Variants in VAT1L observed in about 807,000 individuals in gnomAD.
The protein encoded by VAT1L is vesicle amine transport 1 like.
In VAT1L, 34 loss-of-function variants were observed where a neutral mutation model predicts 44.1. That is an observed-to-expected ratio of 0.77 (90% CI 0.59 to 1.03). The LOEUF is 1.03. Ranked by LOEUF, VAT1L falls within the 50% of genes least tolerant of loss-of-function variation. The probability of loss-of-function intolerance (pLI) is 0.00; values close to 1 mark genes in which losing one functional copy is unlikely to be tolerated. For missense variants in VAT1L, 615 were observed against 538.8 expected, an observed-to-expected ratio of 1.14 and a Z score of -1.40; for synonymous variants, 253 against 202.2, an observed-to-expected ratio of 1.25 and a Z score of -2.13.
intron 7 of VAT1L, among the ~76,000 whole-genome samples, chr16:77,914,266 T>C (rs918186674): frequency 6.6e-6 from 1 of 152,250 alleles, no homozygotes; most frequent in African/African-American, 2.4e-5. Context: ...TAATCATTTA[T>C]AACTTACAAC....
At chr16:77,934,050 G>A (rs2017763901) in intron 7 of VAT1L, among the ~76,000 whole-genome samples, 1 of 152,008 alleles carries the variant, frequency 6.6e-6, no homozygotes, top group Non-Finnish European at 1.5e-5. Context: ...AGAGGGAGGA[G>A]TAAGAATAGA....
At chr16:77,829,196 A>G (rs903817977) in intron 3 of VAT1L, among the ~76,000 whole-genome samples, 7 of 152,172 alleles carry the variant, frequency 4.6e-5, no homozygotes, top group African/African-American at 1.7e-4. Context: ...TATTTGTTCA[A>G]CCTCTACCCA....
intron 7 of VAT1L, among the ~76,000 whole-genome samples, chr16:77,952,170 A>G (rs1259397220): frequency 6.6e-6 from 1 of 152,346 alleles, no homozygotes; most frequent in South Asian, 2.1e-4. Flanking sequence ...TGGGTTGTAG[A>G]AGATTTATGT....
At chr16:77,846,850 A>G (rs905575557) in intron 3 of VAT1L, among the ~76,000 whole-genome samples, 5 of 151,302 alleles carry the variant, frequency 3.3e-5, no homozygotes, top group African/African-American at 1.2e-4. Context: ...ATAGTGGTGT[A>G]TTCAGTGTGA....
At chr16:77,964,637 T>C (rs927891550) in intron 7 of VAT1L, among the ~76,000 whole-genome samples, 1 of 152,174 alleles carries the variant, frequency 6.6e-6, no homozygotes, top group East Asian at 1.9e-4. Flanking sequence ...CCTCAGGTTC[T>C]GGAGATTAGG....
At chr16:77,941,621 T>A (rs1301282426) in intron 7 of VAT1L, among the ~76,000 whole-genome samples, 2 of 152,138 alleles carry the variant, frequency 1.3e-5, no homozygotes, top group Admixed American at 6.6e-5. Flanking sequence ...GTCTTGCTCT[T>A]GTCACCCAGG....
intron 5 of VAT1L, 35 bp downstream of exon 5, chr16:77,876,508 A>T (rs760932400): frequency 7.6e-6 from 12 of 1,582,886 alleles, no homozygotes; most frequent in Non-Finnish European, 9.6e-6. Context: ...CGTGGTCAGC[A>T]ATAGGTACCT....
chr16:77,944,082 G>A (rs777552902), intron 7 of VAT1L, among the ~76,000 whole-genome samples: 5 of 152,030 alleles, frequency 3.3e-5, no homozygotes, highest in South Asian at 2.1e-4. Flanking sequence ...GGCAATGTCC[G>A]GAGACATTTT....
At chr16:77,954,433 T>C (rs1195781556) in intron 7 of VAT1L, among the ~76,000 whole-genome samples, 1 of 152,178 alleles carries the variant, frequency 6.6e-6, no homozygotes, top group Non-Finnish European at 1.5e-5. Context: ...GAGACCAGCC[T>C]GACCAACATG....
chr16:77,917,759 A>C (rs2017566505), intron 7 of VAT1L, among the ~76,000 whole-genome samples: 1 of 152,146 alleles, frequency 6.6e-6, no homozygotes, highest in Admixed American at 6.5e-5. Flanking sequence ...AAGAGAGATT[A>C]TTACCAAAGT....
intron 7 of VAT1L, among the ~76,000 whole-genome samples, chr16:77,965,660 T>C (rs371134204): frequency 5.9e-5 from 9 of 152,144 alleles, no homozygotes; most frequent in African/African-American, 1.7e-4. Context: ...GGGACCATGG[T>C]CCTGATTATG....
At chr16:77,954,898 C>T (rs1332026866) in intron 7 of VAT1L, among the ~76,000 whole-genome samples, 4 of 152,208 alleles carry the variant, frequency 2.6e-5, no homozygotes, top group South Asian at 2.1e-4. Context: ...GCAACATATG[C>T]GATTTTTTAC....
intron 7 of VAT1L, among the ~76,000 whole-genome samples, chr16:77,925,536 T>C (rs577960157): frequency 8.4e-4 from 128 of 152,302 alleles, no homozygotes; most frequent in Non-Finnish European, 9.9e-4. Flanking sequence ...AGAGTCAATA[T>C]AAGAACAAAA....
chr16:77,973,620 G>T (rs2018303875), intron 8 of VAT1L, among the ~76,000 whole-genome samples: 1 of 149,544 alleles, frequency 6.7e-6, no homozygotes, highest in African/African-American at 2.5e-5. Flanking sequence ...TTCGGGAAGT[G>T]TTTCTTGTTT....
intron 7 of VAT1L, among the ~76,000 whole-genome samples, chr16:77,922,926 G>A (rs754805495): frequency 5.3e-5 from 8 of 152,032 alleles, no homozygotes; most frequent in South Asian, 4.2e-4. Context: ...TGCAGATTCC[G>A]GGACCTCAAC....
chr16:77,944,909 G>T (rs903413042), intron 7 of VAT1L, among the ~76,000 whole-genome samples: 1 of 151,738 alleles, frequency 6.6e-6, no homozygotes, highest in South Asian at 2.1e-4. Context: ...CTCCTAGTCT[G>T]CCCCCCGCCA....
chr16:77,799,550 T>C (rs903096035), intron 1 of VAT1L, among the ~76,000 whole-genome samples: 1 of 88,494 alleles, frequency 1.1e-5, no homozygotes, highest in Non-Finnish European at 2.7e-5. Flanking sequence ...TGTGTGTGTG[T>C]GTGTGTGGTG....
chr16:77,950,521 G>A (rs1303873064), intron 7 of VAT1L, among the ~76,000 whole-genome samples: 3 of 151,272 alleles, frequency 2.0e-5, no homozygotes, highest in Non-Finnish European at 4.4e-5. Flanking sequence ...AGGTTGTGAG[G>A]TTGATACAAC....
Position 77,979,024 on chromosome 16 carries a change from G to T in VAT1L, c.*1329G>T, listed in dbSNP as rs1139933. Reference sequence around the variant, plus strand: ...GATTCATACCCCAACTTTGTGTTCTGAAAAACATCAGAGGGATTTTACATT... The same window carrying T: ...GATTCATACCCCAACTTTGTGTTCTTAAAAACATCAGAGGGATTTTACATT... On this transcript the variant is annotated 3_prime_UTR_variant, in exon 9 of 9. Transcript: ENST00000302536. 0.18 allele frequency: 27,967 copies of T among 152,216 alleles called. 2,878 individuals are homozygous for T. Among genetic ancestry groups the T allele is most frequent in the Admixed American group, 0.26 (3,958 of 15,296 alleles). 9.4% of individuals were successfully genotyped at this position (152,216 alleles called of 1,614,324 possible).
Sources: allele counts gnomAD v4.1 joint callset (sites outside exome capture counted in the v4.1 genomes callset), GRCh38; gene constraint gnomAD v4.1.1; transcripts MANE v1.5; gene names NCBI Gene and HGNC (gene_info 2026-07-23, HGNC 2026-07-21).